The following SMCO4 variants were observed in gnomAD, a reference collection of about 807,000 sequenced individuals.
SMCO4 encodes the protein single-pass membrane protein with coiled-coil domains 4.
Under a neutral mutation model 3.6 loss-of-function variants are expected in SMCO4, and 4 were observed. The observed-to-expected ratio is 1.11, with a 90% CI of 0.54 to 2.53. SMCO4 has a LOEUF of 2.53. Among genes scored for constraint, SMCO4 ranks in the 30% most tolerant of loss-of-function variants. The pLI is 0.02. For missense variants in SMCO4, 70 were observed against 80.8 expected (o/e 0.87, Z 0.51); for synonymous variants, 36 against 35.3 (o/e 1.02, Z -0.07).
chr11:93,492,123 A>G (rs1254045127), intron 2 of SMCO4, among the ~76,000 whole-genome samples: 1 of 152,192 alleles, frequency 6.6e-6, no homozygotes, highest in Non-Finnish European at 1.5e-5. Context: ...TCCCCCAATA[A>G]AGAAGCTAGG....
intron 1 of SMCO4, among the ~76,000 whole-genome samples, chr11:93,508,692 A>T (rs1948930917): frequency 6.6e-6 from 1 of 152,226 alleles, no homozygotes; most frequent in Non-Finnish European, 1.5e-5. Flanking sequence ...AGAGCAATAA[A>T]CTACAGCAGT....
Position 93,479,237 on chromosome 11 carries a change from G to C in SMCO4, c.-48C>G. 1 of 1,587,760 alleles carries C rather than the reference G, an allele frequency of 6.3e-7. No individual in the cohort carries two copies. Among genetic ancestry groups the C allele is most frequent in the Non-Finnish European group, 8.6e-7 (1 of 1,164,432 alleles). On this transcript the variant is annotated 5_prime_UTR_variant, in exon 3 of 3. Coordinates refer to ENST00000298966, the MANE Select transcript of SMCO4 (RefSeq NM_020179.3). ...GGTGTGTCCAGAGGGATTCCAGGAA[G>C]GGCCACACTCCTCTTGCCAAGGCTG... is the stretch of plus-strand genomic sequence containing the variant.
intron 2 of SMCO4, among the ~76,000 whole-genome samples, chr11:93,489,133 C>T (rs1373908833): frequency 6.6e-6 from 1 of 152,112 alleles, no homozygotes; most frequent in East Asian, 1.9e-4. Context: ...AGGGAAGACT[C>T]GGAGGCAGTG....
intron 1 of SMCO4, among the ~76,000 whole-genome samples, chr11:93,512,682 G>A (rs914126667): frequency 1.3e-5 from 2 of 152,190 alleles, no homozygotes; most frequent in African/African-American, 4.8e-5. Context: ...TTGTCTAGGT[G>A]TGTAGTAGGC....
chr11:93,544,021 C>A (rs1401410919), upstream of SMCO4, among the ~76,000 whole-genome samples: 3 of 152,180 alleles, frequency 2.0e-5, no homozygotes, highest in Non-Finnish European at 2.9e-5. Context: ...CCGCAAGAGG[C>A]CCACGGCTAA....
intron 1 of SMCO4, among the ~76,000 whole-genome samples, chr11:93,516,359 C>T (rs944009239): frequency 6.6e-6 from 1 of 152,176 alleles, no homozygotes; most frequent in African/African-American, 2.4e-5. Context: ...GATCCCAAGT[C>T]CAATAATCTT....
chr11:93,553,876 C>G, the SMCO4 span, among the ~76,000 whole-genome samples: 2 of 152,186 alleles, frequency 1.3e-5, no homozygotes, highest in Admixed American at 1.3e-4. Context: ...TTTATTTGCT[C>G]TACAAAGCCA....
At chr11:93,543,437 C>T (rs1247628495), upstream of SMCO4, 2 of 152,290 alleles carry the variant, frequency 1.3e-5, no homozygotes, top group Admixed American at 6.5e-5. Flanking sequence ...GCCGGGAAGC[C>T]GAATCCTCCC....
intron 1 of SMCO4, among the ~76,000 whole-genome samples, chr11:93,503,538 C>T (rs912168691): frequency 2.6e-5 from 4 of 152,194 alleles, no homozygotes; most frequent in African/African-American, 9.6e-5. Flanking sequence ...TCTTTGTAGA[C>T]ATGATTAAGT....
intron 1 of SMCO4, among the ~76,000 whole-genome samples, chr11:93,531,665 A>C (rs1005204619): frequency 1.3e-5 from 2 of 152,210 alleles, no homozygotes; most frequent in African/African-American, 4.8e-5. Context: ...TTGTACACTT[A>C]AAAATGGTTA....
chr11:93,527,636 T>G (rs1303963670), intron 1 of SMCO4, among the ~76,000 whole-genome samples: 4 of 151,932 alleles, frequency 2.6e-5, no homozygotes, highest in African/African-American at 4.8e-5. Context: ...TTTTAAAAAT[T>G]TTTTTGTAGA....
rs535326048 is a variant in SMCO4, at chr11:93,489,024, G to A, written c.-80-9755C>T. The stretch of plus-strand genomic sequence containing the variant: ...TGCAGAGCAGTTTCAGTGAAGAGGG[G>A]TCAGGGGCAAGATTGGAGTAAGTCT... On this transcript the variant is annotated intron_variant, in intron 2 of 2. Transcript: ENST00000298966. Among the ~76,000 whole-genome samples the A allele has an allele frequency of 5.9e-5, 9 of 152,306 alleles. No homozygotes were observed. The South Asian group carries it at 1.9e-3, about 32-fold the overall frequency.
intron 1 of SMCO4, among the ~76,000 whole-genome samples, chr11:93,535,154 TTTG>T (rs1267808107): frequency 6.6e-6 from 1 of 151,966 alleles, no homozygotes; most frequent in Non-Finnish European, 1.5e-5. Flanking sequence ...AGATGAAAGG[TTTG>T]GAGAAATACT....
intron 1 of SMCO4, among the ~76,000 whole-genome samples, chr11:93,523,546 CTA>C (rs1324616420): frequency 3.9e-5 from 6 of 152,132 alleles, no homozygotes; most frequent in African/African-American, 1.4e-4. Context: ...GTAGTCCCAG[CTA>C]TTCCGGAGGC....
chr11:93,531,129 G>C (rs1949157948), intron 1 of SMCO4, among the ~76,000 whole-genome samples: 1 of 152,210 alleles, frequency 6.6e-6, no homozygotes, highest in Non-Finnish European at 1.5e-5. Flanking sequence ...TGAATGGGTA[G>C]ACTGAATAAA....
intron 1 of SMCO4, among the ~76,000 whole-genome samples, chr11:93,500,654 C>T (rs192516247): frequency 1.3e-3 from 199 of 152,170 alleles, no homozygotes; most frequent in Non-Finnish European, 2.2e-3. Flanking sequence ...TGGACTTTAT[C>T]AAAGCAGCAT....
chr11:93,502,792 T>C (rs1161647174), intron 1 of SMCO4, among the ~76,000 whole-genome samples: 1 of 152,216 alleles, frequency 6.6e-6, no homozygotes, highest in African/African-American at 2.4e-5. Flanking sequence ...AGACAAATTA[T>C]GGTAGATTCA....
At chr11:93,543,107 G>A (rs1949285283) in intron 1 of SMCO4, among the ~76,000 whole-genome samples, 169 bp downstream of exon 1, 1 of 150,870 alleles carries the variant, frequency 6.6e-6, no homozygotes, top group East Asian at 2.0e-4. Flanking sequence ...GGGACCCGCC[G>A]GGCGCCCAGG....
chr11:93,547,122 C>T (rs956992628), upstream of SMCO4, among the ~76,000 whole-genome samples: 1 of 152,220 alleles, frequency 6.6e-6, no homozygotes, highest in Non-Finnish European at 1.5e-5. Flanking sequence ...AAAGACCAAA[C>T]AGCTCAGGAA....
Sources: allele counts gnomAD v4.1 joint callset (sites outside exome capture counted in the v4.1 genomes callset), GRCh38; gene constraint gnomAD v4.1.1; transcripts MANE v1.5; gene names NCBI Gene and HGNC (gene_info 2026-07-23, HGNC 2026-07-21).